Variants in SLC45A4 observed in about 807,000 individuals in gnomAD.
SLC45A4 encodes solute carrier family 45 member 4, also known as polyamine-transporter SLC45A4.
In SLC45A4, 32 loss-of-function variants were observed where a neutral mutation model predicts 63.7. The observed-to-expected ratio is 0.50, with a 90% CI of 0.38 to 0.67. The LOEUF is 0.67. Ranked by LOEUF, SLC45A4 falls within the 30% of genes least tolerant of loss-of-function variation. SLC45A4 has a pLI of 0.00. For synonymous variants in SLC45A4, 535 were observed against 510.0 expected (o/e 1.05, Z -0.66); for missense variants, 1,027 against 1,157.7 (o/e 0.89, Z 1.64).
chr8:141,234,436 A>G (rs1332837265), intron 2 of SLC45A4, among the ~76,000 whole-genome samples: 2 of 152,166 alleles, frequency 1.3e-5, no homozygotes, highest in Admixed American at 1.3e-4. Context: ...TTCCCTGCTC[A>G]TGGCTGGCAA....
At chr8:141,236,412 T>C (rs997249897) in intron 2 of SLC45A4, among the ~76,000 whole-genome samples, 2 of 152,196 alleles carry the variant, frequency 1.3e-5, no homozygotes, top group African/African-American at 4.8e-5. Context: ...TACTTCCAAC[T>C]CAACATTTAA....
At chr8:141,287,056 T>C (rs903715090) in intron 1 of SLC45A4, among the ~76,000 whole-genome samples, 8 of 152,154 alleles carry the variant, frequency 5.3e-5, no homozygotes, top group African/African-American at 1.7e-4. Flanking sequence ...GGAAGTCGCC[T>C]GACCGCTCCA....
intron 1 of SLC45A4, among the ~76,000 whole-genome samples, chr8:141,288,037 G>T (rs1255037844): frequency 2.0e-5 from 3 of 152,154 alleles, no homozygotes; most frequent in Non-Finnish European, 2.9e-5. Context: ...CCTCCTTTTT[G>T]GTGGTGGCTC....
chr8:141,237,410 C>A (rs1359079872), intron 2 of SLC45A4, among the ~76,000 whole-genome samples: 1 of 152,162 alleles, frequency 6.6e-6, no homozygotes. Context: ...GCCACCCTTG[C>A]TTCACTGACC....
chr8:141,212,972 C>T (rs79334619), intron 7 of SLC45A4, among the ~76,000 whole-genome samples: 142 of 152,296 alleles, frequency 9.3e-4, no homozygotes, highest in African/African-American at 3.3e-3. Flanking sequence ...CAGGTGGCCA[C>T]GTGCAACAAA....
intron 2 of SLC45A4, chr8:141,228,102 A>G (rs566073040): frequency 1.9e-6 from 3 of 1,584,198 alleles, no homozygotes; most frequent in Non-Finnish European, 1.7e-6. Context: ...TGGGTGCCCG[A>G]GAGGCTGTGG....
intron 1 of SLC45A4, among the ~76,000 whole-genome samples, chr8:141,301,254 C>G (rs1460120901): frequency 6.6e-6 from 1 of 152,178 alleles, no homozygotes; most frequent in Non-Finnish European, 1.5e-5. Context: ...CCCCCCAGCT[C>G]TTTGAGACCT....
rs922733739 is a variant in SLC45A4 at position 141,254,693 on chromosome 8, C to A, written c.-400-64G>T. On this transcript the variant is annotated intron_variant, in intron 1 of 8. Transcript: ENST00000517878. This position sits in a 1 kb window ranked among gnomAD's most constrained non-coding sequence, Gnocchi z 4.5. The stretch of plus-strand genomic sequence containing the variant: ...GACGGCCACCAGATGGCCCTGTGGA[C>A]CGCCGCCCGACCCCCGAGCAAGCCG... The A allele has an allele frequency of 4.3e-5, 30 of 693,830 alleles. No homozygotes were observed. The African/African-American group carries it at 5.3e-4, about 12-fold the overall frequency. 43.0% of individuals were successfully genotyped at this position (693,830 alleles called of 1,614,324 possible).
intron 1 of SLC45A4, among the ~76,000 whole-genome samples, chr8:141,263,362 A>G (rs558780500): frequency 6.6e-6 from 1 of 152,186 alleles, no homozygotes; most frequent in African/African-American, 2.4e-5. Context: ...CTTAAAGTAT[A>G]ATAATAATAA....
At chr8:141,234,643 G>A (rs924414502) in intron 2 of SLC45A4, among the ~76,000 whole-genome samples, 1 of 152,208 alleles carries the variant, frequency 6.6e-6, no homozygotes, top group Non-Finnish European at 1.5e-5. Context: ...CAGTCTGCCT[G>A]CCGTGGGATA....
chr8:141,246,304 G>GC (rs1828190799), intron 2 of SLC45A4, among the ~76,000 whole-genome samples: 1 of 152,210 alleles, frequency 6.6e-6, no homozygotes, highest in African/African-American at 2.4e-5. Context: ...GCGGCACCGA[G>GC]CAACAGTGAC....
At chr8:141,245,072 C>A (rs1359749306) in intron 2 of SLC45A4, among the ~76,000 whole-genome samples, 3 of 151,764 alleles carry the variant, frequency 2.0e-5, no homozygotes, top group African/African-American at 4.8e-5. Context: ...AGGCCCTCGA[C>A]AAGTTACCAC....
At position 141,282,220 on chromosome 8, in the gene SLC45A4, C is replaced by T. The variant is rs112973635; in HGVS notation, c.-401+25876G>A. Reference sequence around the variant, plus strand: ...GAACCTGCAGGGTAGAAACAGAGCCCGGGAGGCCAAGGGGGGGCCCTCAGC... The same window carrying T: ...GAACCTGCAGGGTAGAAACAGAGCCTGGGAGGCCAAGGGGGGGCCCTCAGC... On this transcript the variant is annotated intron_variant, in intron 1 of 8. Coordinates refer to ENST00000517878, the MANE Select transcript of SLC45A4 (RefSeq NM_001286646.2). Among the ~76,000 whole-genome samples, 276 of 152,274 alleles carry T rather than the reference C, an allele frequency of 1.8e-3. 1 individual carries two copies. Among genetic ancestry groups the T allele is most frequent in the African/African-American group, 6.4e-3 (266 of 41,546 alleles).
chr8:141,300,804 G>T (rs12675092), intron 1 of SLC45A4, among the ~76,000 whole-genome samples: 28,836 of 152,214 alleles, frequency 0.19, 3,289 homozygotes, highest in East Asian at 0.44. Context: ...ATGCCGCAGC[G>T]TGCTTACTCG....
In SLC45A4 at chr8:141,269,610, G is replaced by C. The variant is rs1368870293; in HGVS notation, c.-400-14981C>G. On this transcript the variant is annotated intron_variant, in intron 1 of 8. Coordinates refer to ENST00000517878, the MANE Select transcript of SLC45A4 (RefSeq NM_001286646.2). ...TGTGTGGGTGTGTCTGTGTATCAAT[G>C]TCTGCCTATGTGTCTGTGCGGGGGG... Among the ~76,000 whole-genome samples the C allele has an allele frequency of 7.3e-5, 11 of 151,398 alleles. No homozygotes were observed. The East Asian group carries it at 2.1e-3, about 29-fold the overall frequency.
Position 141,308,193 on chromosome 8 carries a change from G to A in SLC45A4, c.-498C>T, listed in dbSNP as rs2154615575. 6.8e-6 allele frequency: 1 copy of A among 147,600 alleles called. No individual in the cohort carries two copies. The highest frequency in any genetic ancestry group is 2.4e-5 in the African/African-American group (1 of 40,898). The allele number at this position is 147,600 out of a possible 1,614,324, so 9.1% of individuals were successfully genotyped here. ...GGAGCCCCGGGCGCACCGGGGTCGG[G>A]AGGCGGCTGCGGGTCCGGGCGGGGG... On this transcript the variant is annotated 5_prime_UTR_variant, in exon 1 of 9. Coordinates refer to ENST00000517878, the MANE Select transcript of SLC45A4 (RefSeq NM_001286646.2).
rs187359702 is a variant in SLC45A4 at position 141,287,969 on chromosome 8, C to T, written c.-401+20127G>A. On this transcript the variant is annotated intron_variant, in intron 1 of 8. Transcript: ENST00000517878. ...CGAGGGGGACTAGACGGCTTTGCAC[C>T]GACCCCCACGTTTCTCCCACCCTCC... Among the ~76,000 whole-genome samples, 13 of 152,310 alleles carry T rather than the reference C, an allele frequency of 8.5e-5. No homozygotes were observed. The East Asian group carries it at 1.2e-3, about 14-fold the overall frequency.
rs188509888 is a variant in SLC45A4, at chr8:141,216,626, G to A, written c.1729+464C>T. Among the ~76,000 whole-genome samples, 99 of 152,270 alleles carry A rather than the reference G, an allele frequency of 6.5e-4. No individual in the cohort carries two copies. In the East Asian group the frequency reaches 0.013, roughly 19 times the overall value. On this transcript the variant is annotated intron_variant, in intron 6 of 8. Coordinates refer to ENST00000517878, the MANE Select transcript of SLC45A4 (RefSeq NM_001286646.2). Reference sequence around the variant, plus strand: ...AGGCAGGCCAGCCCGATTCACACTCGGCTCAGAGACCCCTGACCCAATTAC... The same window carrying A: ...AGGCAGGCCAGCCCGATTCACACTCAGCTCAGAGACCCCTGACCCAATTAC...
chr8:141,264,461 G>A (rs951473158), intron 1 of SLC45A4, among the ~76,000 whole-genome samples: 3 of 152,192 alleles, frequency 2.0e-5, no homozygotes, highest in Non-Finnish European at 2.9e-5. Flanking sequence ...GGGGAGGGGA[G>A]GGTCCTGATG....
Sources: allele counts gnomAD v4.1 joint callset (sites outside exome capture counted in the v4.1 genomes callset), GRCh38; gene constraint gnomAD v4.1.1; non-coding constraint Gnocchi (gnomAD v3.1); transcripts MANE v1.5; gene names NCBI Gene and HGNC (gene_info 2026-07-23, HGNC 2026-07-21).